CCSER1: variants seen among roughly 807,000 people sequenced by gnomAD.
CCSER1 encodes the protein coiled-coil serine rich protein 1.
In CCSER1, 41 loss-of-function variants were observed where a neutral mutation model predicts 82.0. That is an observed-to-expected ratio of 0.50 (90% CI 0.39 to 0.65). The LOEUF is 0.65. CCSER1 is among the 30% of genes least tolerant of loss of function. CCSER1 has a pLI of 0.00. For synonymous variants in CCSER1, 414 were observed against 383.9 expected, an observed-to-expected ratio of 1.08 and a Z score of -0.92; for missense variants, 1,119 against 1,064.2, an observed-to-expected ratio of 1.05 and a Z score of -0.72.
intron 1 of CCSER1, among the ~76,000 whole-genome samples, chr4:90,216,566 G>A (rs917193166): frequency 6.6e-5 from 10 of 152,174 alleles, no homozygotes; most frequent in African/African-American, 2.4e-4. Flanking sequence ...CTTTGTTGAA[G>A]ATCAGATGGC....
chr4:91,591,150 C>A lies in CCSER1; in HGVS notation c.2218-7422C>A, dbSNP rs571958511. ...GGACAAGGATGCTACTAACATCCTGCAATGTACATGATGGTCCCAAAAACA... is the reference window on the plus strand; with the variant it reads ...GGACAAGGATGCTACTAACATCCTGAAATGTACATGATGGTCCCAAAAACA... On this transcript the variant is annotated intron_variant, in intron 10 of 10. Transcript: ENST00000509176. Among the ~76,000 whole-genome samples, 16 of 152,084 alleles carry A rather than the reference C, an allele frequency of 1.1e-4. 1 individual carries two copies. The South Asian group carries it at 3.3e-3, about 32-fold the overall frequency.
chr4:91,000,214 GTATAGGTATA>G (rs1490215358), intron 9 of CCSER1, among the ~76,000 whole-genome samples: 3,474 of 140,102 alleles, frequency 0.025, 52 homozygotes, highest in Non-Finnish European at 0.034. Flanking sequence ...GTATAGTATA[GTATAGGTATA>G]GTATAGTATA....
At chr4:91,558,941 C>T (rs1282865472) in intron 10 of CCSER1, among the ~76,000 whole-genome samples, 2 of 151,510 alleles carry the variant, frequency 1.3e-5, no homozygotes, top group South Asian at 2.1e-4. Context: ...GGTAATTTCT[C>T]ATCAGCTATG....
intron 10 of CCSER1, among the ~76,000 whole-genome samples, chr4:91,589,783 T>C (rs1176867055): frequency 6.6e-6 from 1 of 151,976 alleles, no homozygotes; most frequent in Non-Finnish European, 1.5e-5. Flanking sequence ...GTCTTCTGAA[T>C]TGAGTCCTTA....
chr4:90,202,804 T>C (rs975175762), intron 1 of CCSER1, among the ~76,000 whole-genome samples: 1 of 152,248 alleles, frequency 6.6e-6, no homozygotes, highest in Non-Finnish European at 1.5e-5. Context: ...AATTACTACC[T>C]TTCTTCTCAT....
At chr4:90,993,448 A>T (rs1038757730) in intron 9 of CCSER1, among the ~76,000 whole-genome samples, 8 of 151,238 alleles carry the variant, frequency 5.3e-5, no homozygotes, top group Non-Finnish European at 2.9e-5. Flanking sequence ...TGATATTATT[A>T]TGCTTATTTC....
At chr4:91,010,238 C>T (rs948975189) in intron 9 of CCSER1, among the ~76,000 whole-genome samples, 2 of 152,174 alleles carry the variant, frequency 1.3e-5, no homozygotes, top group East Asian at 1.9e-4. Flanking sequence ...TAATCTCATT[C>T]TCTACTGGCC....
At chr4:91,424,566 C>T (rs1244037735) in intron 10 of CCSER1, among the ~76,000 whole-genome samples, 2 of 152,126 alleles carry the variant, frequency 1.3e-5, no homozygotes, top group Admixed American at 6.5e-5. Flanking sequence ...TACTTAAGCA[C>T]TCTATGCCTC....
chr4:91,509,341 T>C (rs1759701953), intron 10 of CCSER1, among the ~76,000 whole-genome samples: 1 of 152,078 alleles, frequency 6.6e-6, no homozygotes. Flanking sequence ...CTTCCACCAA[T>C]TGGTTATTTA....
chr4:91,358,167 T>C (rs1748984019), intron 10 of CCSER1, among the ~76,000 whole-genome samples: 1 of 151,926 alleles, frequency 6.6e-6, no homozygotes, highest in South Asian at 2.1e-4. Flanking sequence ...CTCTGCCAGC[T>C]GCTTATACTG....
At chr4:91,394,453 C>G (rs1384148363) in intron 10 of CCSER1, among the ~76,000 whole-genome samples, 1 of 151,788 alleles carries the variant, frequency 6.6e-6, no homozygotes, top group Admixed American at 6.6e-5. Flanking sequence ...TAAGATGGCT[C>G]TGTGTTTTTC....
chr4:90,703,730 T>G (rs990437804), intron 6 of CCSER1, among the ~76,000 whole-genome samples: 41 of 152,124 alleles, frequency 2.7e-4, no homozygotes, highest in African/African-American at 9.9e-4. Context: ...TTGTGTAATG[T>G]CCTTCTTTGT....
intron 5 of CCSER1, among the ~76,000 whole-genome samples, chr4:90,476,044 G>GTA (rs780455295): frequency 6.8e-6 from 1 of 146,120 alleles, no homozygotes; most frequent in Non-Finnish European, 1.5e-5. Flanking sequence ...GTGTGTGTGT[G>GTA]TATGTGTGTG....
At chr4:90,897,979 T>C (rs1315603908) in intron 8 of CCSER1, among the ~76,000 whole-genome samples, 2 of 152,002 alleles carry the variant, frequency 1.3e-5, no homozygotes, top group African/African-American at 4.8e-5. Flanking sequence ...TCTTGTTGAT[T>C]GTTTAAGGTC....
intron 10 of CCSER1, among the ~76,000 whole-genome samples, chr4:91,136,239 C>T (rs148797602): frequency 1.3e-5 from 2 of 152,316 alleles, no homozygotes; most frequent in African/African-American, 4.8e-5. Flanking sequence ...CTACTCTTCA[C>T]ACCTCATACA....
intron 1 of CCSER1, among the ~76,000 whole-genome samples, chr4:90,307,968 CTGG>C (rs1190334545): frequency 1.3e-5 from 2 of 152,060 alleles, no homozygotes; most frequent in African/African-American, 4.8e-5. Flanking sequence ...TCTTAAATAC[CTGG>C]TGTCTCCAAA....
chr4:90,219,514 G>A (rs777084730), intron 1 of CCSER1, among the ~76,000 whole-genome samples: 8 of 151,792 alleles, frequency 5.3e-5, no homozygotes, highest in East Asian at 1.9e-4. Context: ...ATATGTTGTC[G>A]CCTTCAAATC....
chr4:90,533,327 C>T (rs1292089101), intron 5 of CCSER1, among the ~76,000 whole-genome samples: 2 of 151,984 alleles, frequency 1.3e-5, no homozygotes, highest in African/African-American at 4.8e-5. Context: ...CATCTCCTGA[C>T]CTAGTAACCC....
At chr4:90,368,816 G>A (rs1039544614) in intron 3 of CCSER1, among the ~76,000 whole-genome samples, 1 of 151,356 alleles carries the variant, frequency 6.6e-6, no homozygotes, top group African/African-American at 2.4e-5. Flanking sequence ...CAACCAAAAA[G>A]TCTTTTCCAT....
Sources: allele counts gnomAD v4.1 joint callset (sites outside exome capture counted in the v4.1 genomes callset), GRCh38; gene constraint gnomAD v4.1.1; transcripts MANE v1.5; gene names NCBI Gene and HGNC (gene_info 2026-07-23, HGNC 2026-07-21).